ASB9: variants seen among roughly 807,000 people sequenced by gnomAD.
ASB9 encodes ankyrin repeat and SOCS box containing 9, also known as ankyrin repeat and SOCS box protein 9.
ASB9 carries 5 observed loss-of-function variants against 16.6 expected under a neutral mutation model. That is an observed-to-expected ratio of 0.30 (90% CI 0.16 to 0.63). The LOEUF is 0.63. Ranked by LOEUF, ASB9 falls within the 30% of genes least tolerant of loss-of-function variation. The pLI, the probability that ASB9 is intolerant of heterozygous loss-of-function variation, is 0.82. For synonymous variants in ASB9, 100 were observed against 86.4 expected (o/e 1.16, Z -0.87); for missense variants, 216 against 229.4 (o/e 0.94, Z 0.38).
intron 1 of ASB9, among the ~76,000 whole-genome samples, chrX:15,264,528 T>C (rs1371221701): frequency 9.0e-6 from 1 of 111,055 alleles, no homozygotes; most frequent in East Asian, 2.8e-4. Flanking sequence ...TAGCCTTTCC[T>C]CCCTCCCTAC....
chrX:15,262,976 ATG>A (rs1176438954), intron 1 of ASB9, among the ~76,000 whole-genome samples: 1 of 112,240 alleles, frequency 8.9e-6, no homozygotes, highest in South Asian at 3.6e-4. Context: ...GATTGTGTGT[ATG>A]TGTGTGTGTA....
In ASB9 at chrX:15,257,664, A is replaced by C. The variant is rs139642409; in HGVS notation, c.174+1202T>G. Among the ~76,000 whole-genome samples, 957 of 111,793 alleles carry C rather than the reference A, an allele frequency of 8.6e-3. 6 individuals carry two copies. Among genetic ancestry groups the C allele is most frequent in the Non-Finnish European group, 0.014 (752 of 53,224 alleles). ...CAAGTCTGAGTCATATAAAATCATA[A>C]GGTAATTAACCCATTACTTCACAGT... On this transcript the variant is annotated intron_variant, in intron 2 of 6. Transcript: ENST00000380488.
chrX:15,244,684 C>T (rs1924509763), intron 6 of ASB9, 54 bp from the exon 7 acceptor site: 1 of 915,494 alleles, frequency 1.1e-6, no homozygotes, highest in Non-Finnish European at 1.4e-6. Flanking sequence ...TCTAAGACTC[C>T]TTTTTTTTAA....
intron 2 of ASB9, among the ~76,000 whole-genome samples, chrX:15,255,898 G>C: frequency 9.0e-6 from 1 of 111,562 alleles, no homozygotes; most frequent in Middle Eastern, 4.6e-3. Context: ...TAAGTATTTA[G>C]TAACACACAG....
At chrX:15,253,830 T>C (rs887826415) in intron 3 of ASB9, among the ~76,000 whole-genome samples, 1 of 111,753 alleles carries the variant, frequency 8.9e-6, no homozygotes, top group Non-Finnish European at 1.9e-5. Flanking sequence ...AGCAATGATA[T>C]TGTGAAGACA....
Position 15,248,814 on chromosome X carries a change from A to T in ASB9, c.690T>A (p.Ala230=). ...DFGADTQAKN[A]EGKRPVELVP... ...CCAGCTCCACAGGACGTTTGCCTTC[A>T]GCATTCTTGGCCTGGGTGTCCGCTC... Residue 230 remains alanine, a synonymous_variant, in exon 6 of 7, where the codon GCT becomes GCA. Coordinates refer to ENST00000380488, the MANE Select transcript of ASB9 (RefSeq NM_001031739.3). The T allele has an allele frequency of 8.3e-7, 1 of 1,212,007 alleles. No individual in the cohort carries two copies. Among genetic ancestry groups the T allele is most frequent in the Admixed American group, 2.2e-5 (1 of 46,071 alleles).
At position 15,262,779 on chromosome X, in the gene ASB9, A is replaced by G. The variant is rs750354566; in HGVS notation, c.95-3834T>C. Reference sequence around the variant, plus strand: ...CTCAAGTAACTGGGACTACAGGTGCACACCATCACACTCAGTTAATTTTTG... The same window carrying G: ...CTCAAGTAACTGGGACTACAGGTGCGCACCATCACACTCAGTTAATTTTTG... On this transcript the variant is annotated intron_variant, in intron 1 of 6. Coordinates refer to ENST00000380488, the MANE Select transcript of ASB9 (RefSeq NM_001031739.3). Among the ~76,000 whole-genome samples the G allele has an allele frequency of 2.7e-5, 3 of 111,807 alleles. No homozygotes were observed. The East Asian group carries it at 8.4e-4, about 31-fold the overall frequency.
chrX:15,244,683 CCT>C (rs1313407056), intron 6 of ASB9, 53 bp from the exon 7 acceptor site: 73 of 957,854 alleles, frequency 7.6e-5, no homozygotes, highest in Non-Finnish European at 9.6e-5. Context: ...ATCTAAGACT[CCT>C]TTTTTTTAAA....
At chrX:15,249,882 A>G (rs1924959090) in intron 5 of ASB9, among the ~76,000 whole-genome samples, 1 of 112,025 alleles carries the variant, frequency 8.9e-6, no homozygotes, top group South Asian at 3.7e-4. Context: ...TAAAGAATAA[A>G]TAGGACTCAG....
chrX:15,249,260 A>G (rs5935917), intron 5 of ASB9, among the ~76,000 whole-genome samples: 26,880 of 111,786 alleles, frequency 0.24, 3,123 homozygotes, highest in Non-Finnish European at 0.35. Flanking sequence ...GAACCTAAGT[A>G]TTAGCCAGTA....
At chrX:15,257,948 A>G (rs1925712023) in intron 2 of ASB9, among the ~76,000 whole-genome samples, 1 of 111,666 alleles carries the variant, frequency 9.0e-6, no homozygotes, top group Admixed American at 9.5e-5. Flanking sequence ...TCAGGTAGCC[A>G]GTGGTCCAAG....
chrX:15,248,803 C>T lies in ASB9; in HGVS notation c.701G>A (p.Arg234His), dbSNP rs200022385. 151 of 1,210,153 alleles carry T rather than the reference C, an allele frequency of 1.2e-4. No individual in the cohort carries two copies. The highest frequency in any genetic ancestry group is 5.7e-4 in the Admixed American group (26 of 45,795). Residue 234 changes from arginine to histidine, a missense_variant, in exon 6 of 7, where the codon CGT (arginine) becomes CAT (histidine). Transcript: ENST00000380488. ...DTQAKNAEGK[R>H]PVELVPPESP... ...CTCTGGAGGCACCAGCTCCACAGGACGTTTGCCTTCAGCATTCTTGGCCTG... is the reference window on the plus strand; with the variant it reads ...CTCTGGAGGCACCAGCTCCACAGGATGTTTGCCTTCAGCATTCTTGGCCTG...
chrX:15,267,434 A>AT (rs1926575603), intron 1 of ASB9, among the ~76,000 whole-genome samples: 801 of 83,118 alleles, frequency 9.6e-3, no homozygotes, highest in East Asian at 0.025. Flanking sequence ...ATATATATAT[A>AT]ATTATATATA....
Position 15,244,469 on chromosome X carries a change from T to A in ASB9, c.*37A>T, listed in dbSNP as rs1330918434. ...CTAGTGGCTACAACACTCAATAATGTTTTCACATCGTTTGTGAATCCATTC... is the reference window on the plus strand; with the variant it reads ...CTAGTGGCTACAACACTCAATAATGATTTCACATCGTTTGTGAATCCATTC... On this transcript the variant is annotated 3_prime_UTR_variant, in exon 7 of 7. Transcript: ENST00000380488. The A allele has an allele frequency of 3.4e-6, 4 of 1,169,737 alleles. No homozygotes were observed. In the Admixed American group the frequency reaches 8.8e-5, roughly 26 times the overall value.
intron 1 of ASB9, among the ~76,000 whole-genome samples, chrX:15,262,977 T>C (rs1184846614): frequency 1.8e-5 from 2 of 112,416 alleles, no homozygotes; most frequent in Non-Finnish European, 3.8e-5. Context: ...ATTGTGTGTA[T>C]GTGTGTGTGT....
intron 6 of ASB9, among the ~76,000 whole-genome samples, chrX:15,246,447 CT>C (rs951398549): frequency 3.0e-4 from 33 of 111,515 alleles, no homozygotes; most frequent in African/African-American, 1.0e-3. Flanking sequence ...GCCTTGATTT[CT>C]TTTTTCCCCC....
chrX:15,245,284 G>A (rs1192325663), intron 6 of ASB9, among the ~76,000 whole-genome samples: 1 of 111,183 alleles, frequency 9.0e-6, no homozygotes, highest in African/African-American at 3.3e-5. Context: ...GGGGACATTT[G>A]GCAGTGTCTG....
intron 1 of ASB9, among the ~76,000 whole-genome samples, chrX:15,263,426 C>T: frequency 9.0e-6 from 1 of 111,259 alleles, no homozygotes; most frequent in Non-Finnish European, 1.9e-5. Context: ...GAAAAAGAAA[C>T]AAGAGGCTTA....
At chrX:15,255,278 C>T (rs897567624) in intron 2 of ASB9, among the ~76,000 whole-genome samples, 3 of 111,800 alleles carry the variant, frequency 2.7e-5, no homozygotes, top group Admixed American at 9.5e-5. Flanking sequence ...ATGGCAAGCA[C>T]TACAAGGGTG....
Sources: gnomAD v4.1 joint callset for allele counts (sites outside exome capture counted in the v4.1 genomes callset) on GRCh38, gnomAD v4.1.1 for gene constraint, MANE v1.5 for transcripts, NCBI Gene and HGNC (gene_info 2026-07-23, HGNC 2026-07-21) for gene names.